The following ATP2B3 variants were observed in gnomAD, a reference collection of about 807,000 sequenced individuals.
The protein encoded by ATP2B3 is plasma membrane calcium-transporting ATPase 3.
A neutral mutation model predicts 70.8 loss-of-function variants in ATP2B3; 12 were observed. That is an observed-to-expected ratio of 0.17 (90% CI 0.11 to 0.27). ATP2B3 has a LOEUF of 0.27. Ranked by LOEUF, ATP2B3 falls within the 10% of genes least tolerant of loss-of-function variation. The pLI is 1.00. For synonymous variants in ATP2B3, 460 were observed against 497.8 expected (o/e 0.92, Z 1.01); for missense variants, 858 against 1,118.5 (o/e 0.77, Z 3.32).
intron 21 of ATP2B3, among the ~76,000 whole-genome samples, chrX:153,575,994 G>T (rs1216689767): frequency 2.7e-5 from 3 of 112,019 alleles, no homozygotes; most frequent in Non-Finnish European, 3.8e-5. Flanking sequence ...GAGATGGGGA[G>T]TCCTCCAGCC....
chrX:153,548,121 G>A, intron 9 of ATP2B3, 122 bp downstream of exon 9: 2 of 975,645 alleles, frequency 2.0e-6, no homozygotes, highest in South Asian at 2.8e-5. Flanking sequence ...TGATGTGTGG[G>A]CCAGGCAGGC....
intron 20 of ATP2B3, among the ~76,000 whole-genome samples, chrX:153,564,372 T>G (rs2090671223): frequency 1.8e-5 from 2 of 113,023 alleles, no homozygotes; most frequent in Non-Finnish European, 3.8e-5. Flanking sequence ...GTCACGTGGC[T>G]GGCCTCCATC....
In ATP2B3 at chrX:153,558,261, G is replaced by A. The variant is rs1557014766; in HGVS notation, c.2583G>A (p.Val861=). The A allele has an allele frequency of 2.5e-6, 3 of 1,211,877 alleles. No homozygotes were observed. The Admixed American group carries it at 6.5e-5, about 26-fold the overall frequency. The change falls in exon 17 of 22, where the codon GTG becomes GTA. Residue 861 remains valine (V), a synonymous_variant. Transcript: ENST00000263519. The part of the protein sequence containing the change: ...KFLQFQLTVN[V]VAVIVAFTGA... ...TGCAGTTTCAACTGACGGTCAATGT[G>A]GTGGCTGTGATCGTGGCCTTCACAG...
intron 3 of ATP2B3, among the ~76,000 whole-genome samples, chrX:153,537,173 G>T (rs1317580922): frequency 5.3e-5 from 6 of 113,470 alleles, no homozygotes; most frequent in Non-Finnish European, 5.6e-5. Flanking sequence ...ACCCGGCCTT[G>T]TGAGGCCTGC....
chrX:153,541,345 G>A lies in ATP2B3; in HGVS notation c.209-14G>A, dbSNP rs951332225. 2 of 1,211,603 alleles carry A rather than the reference G, an allele frequency of 1.7e-6. No homozygotes were observed. Among genetic ancestry groups the A allele is most frequent in the Non-Finnish European group, 2.2e-6 (2 of 895,369 alleles). ...TCCCATCCTCCCCTTCTGTGCTTCC[G>A]GGGCACCATGCAGGCCTGGCGGACA... On this transcript the variant is annotated splice_polypyrimidine_tract_variant and intron_variant, in intron 3 of 21. Transcript: ENST00000263519.
rs1419783906 is a variant in ATP2B3 at position 153,580,126 on chromosome X, T to A, written c.3491T>A (p.Val1164Glu). Residue 1164 changes from valine to glutamate, a missense_variant, in exon 22 of 22, where the codon GTG (valine) becomes GAG (glutamate). Physicochemically the swap from Val to Glu is moderately radical, Grantham distance 121. Around this residue, in one of 5 missense-constraint regions of ATP2B3, gnomAD observed 265 missense variants for 305.3 expected, o/e 0.87. Coordinates refer to ENST00000263519, the MANE Select transcript of ATP2B3 (RefSeq NM_001001344.3). ...HNIPLIDDTDVDENEERLRAP... is the reference protein window; with the variant it reads ...HNIPLIDDTDEDENEERLRAP... ...ATCCCGCTCATTGACGACACGGACG[T>A]GGACGAGAACGAGGAGCGCCTCCGG... 8.3e-7 allele frequency: 1 copy of A among 1,210,709 alleles called. No homozygotes were observed.
chrX:153,550,143 C>T lies in ATP2B3; in HGVS notation c.1680C>T (p.Pro560=), dbSNP rs377530133. The T allele has an allele frequency of 3.9e-5, 47 of 1,211,421 alleles. No homozygotes were observed. In the Middle Eastern group the frequency reaches 1.6e-3, roughly 41 times the overall value. ...TGGACCTGAAGCGGGACTTCCAGCCCGTGCGCGAGCAGATCCCGGAAGACA... is the reference window on the plus strand; with the variant it reads ...TGGACCTGAAGCGGGACTTCCAGCCTGTGCGCGAGCAGATCCCGGAAGACA... ...FVLDLKRDFQ[P]VREQIPEDKL... Residue 560 remains proline (P), a synonymous_variant, in exon 12 of 22, where the codon CCC becomes CCT. Coordinates refer to ENST00000263519, the MANE Select transcript of ATP2B3 (RefSeq NM_001001344.3).
At chrX:153,534,769 C>T (rs1223263473) in intron 2 of ATP2B3, among the ~76,000 whole-genome samples, 1 of 113,166 alleles carries the variant, frequency 8.8e-6, no homozygotes, top group Non-Finnish European at 1.9e-5. Context: ...CAATGTGTCG[C>T]GAGAGTAAAC....
rs3020946 is a variant in ATP2B3 at position 153,537,274 on chromosome X, G to A, written c.208+819G>A. 6.3e-4 allele frequency among the ~76,000 whole-genome samples: 71 copies of A among 113,468 alleles called. 1 individual carries two copies. In the East Asian group the frequency reaches 0.01, roughly 16 times the overall value. On this transcript the variant is annotated intron_variant, in intron 3 of 21. Transcript: ENST00000263519. The stretch of plus-strand genomic sequence containing the variant: ...TCCAGGAGCCACAGCATTCTCTGGC[G>A]CTGCGTGCCTGGCAGGGCTGCTGGG...
intron 21 of ATP2B3, among the ~76,000 whole-genome samples, chrX:153,572,942 A>G (rs1557020338): frequency 8.9e-6 from 1 of 112,480 alleles, no homozygotes; most frequent in Non-Finnish European, 1.9e-5. Context: ...AAGCCACTTG[A>G]GAGGCCTTTT....
intron 2 of ATP2B3, among the ~76,000 whole-genome samples, chrX:153,526,366 G>A (rs1012068863): frequency 2.7e-5 from 3 of 111,206 alleles, no homozygotes; most frequent in Admixed American, 1.9e-4. Context: ...GGAGAGACTC[G>A]GAGCCCTGTG....
In ATP2B3 at chrX:153,546,141, C is replaced by T. The variant is rs782109859; in HGVS notation, c.958+12C>T. 8.3e-6 allele frequency: 10 copies of T among 1,208,453 alleles called. No homozygotes were observed. The East Asian group carries it at 8.9e-5, about 11-fold the overall frequency. ...TAGCCAGACCAAAGGTAACGGGCGCCGCTGCTTGGGCACAACAAGCTTGGA... is the reference window on the plus strand; with the variant it reads ...TAGCCAGACCAAAGGTAACGGGCGCTGCTGCTTGGGCACAACAAGCTTGGA... On this transcript the variant is annotated intron_variant, in intron 8 of 21. Transcript: ENST00000263519.
intron 12 of ATP2B3, 57 bp downstream of exon 12, chrX:153,550,343 G>C (rs73245897): frequency 4.4e-5 from 53 of 1,196,069 alleles, no homozygotes; most frequent in Non-Finnish European, 5.9e-5. Context: ...TTCTATTGTC[G>C]TGGTAAAAGA....
intron 21 of ATP2B3, among the ~76,000 whole-genome samples, chrX:153,576,502 G>A (rs1425591039): frequency 3.6e-5 from 4 of 111,824 alleles, no homozygotes; most frequent in South Asian, 7.5e-4. Context: ...AGTCCTCCTC[G>A]GGCCTCCTGC....
chrX:153,580,631 C>T lies in ATP2B3; in HGVS notation c.*333C>T. On this transcript the variant is annotated 3_prime_UTR_variant, in exon 22 of 22. Coordinates refer to ENST00000263519, the MANE Select transcript of ATP2B3 (RefSeq NM_001001344.3). ...AAAGTGCGAAGAGCTGAGTTCCCCA[C>T]CTTTTTTTCTATTGATGCTTCTTTT... The T allele has an allele frequency of 4.2e-6, 1 of 240,456 alleles. No homozygotes were observed. Among genetic ancestry groups the T allele is most frequent in the Admixed American group, 6.1e-5 (1 of 16,458 alleles). The allele number at this position is 240,456 out of a possible 1,213,427, so 19.8% of individuals were successfully genotyped here.
intron 7 of ATP2B3, among the ~76,000 whole-genome samples, chrX:153,544,920 G>C (rs1557008133): frequency 8.9e-6 from 1 of 112,581 alleles, no homozygotes; most frequent in Non-Finnish European, 1.9e-5. Context: ...TGCTTCCTTC[G>C]GGCCCCCACG....
intron 2 of ATP2B3, among the ~76,000 whole-genome samples, chrX:153,523,539 T>C (rs2089987491): frequency 8.9e-6 from 1 of 111,841 alleles, no homozygotes; most frequent in African/African-American, 3.3e-5. Context: ...CTTGCCAGCA[T>C]TAGATATTTT....
chrX:153,552,581 C>T (rs1231013800), intron 12 of ATP2B3, among the ~76,000 whole-genome samples: 1 of 112,321 alleles, frequency 8.9e-6, no homozygotes, highest in African/African-American at 3.2e-5. Context: ...GCCCAGGTTC[C>T]ACCCGCTTGC....
chrX:153,556,768 CG>C (rs2090543826), intron 15 of ATP2B3, 148 bp from the exon 16 acceptor site: 2 of 554,303 alleles, frequency 3.6e-6, no homozygotes, highest in Non-Finnish European at 6.1e-6. Flanking sequence ...ATCCAGGTGA[CG>C]GGGAGCACAG....
Sources: gnomAD v4.1 joint callset for allele counts (sites outside exome capture counted in the v4.1 genomes callset) on GRCh38, gnomAD v4.1.1 for gene constraint, gnomAD v4.1.1 regional missense constraint, MANE v1.5 for transcripts, NCBI Gene and HGNC (gene_info 2026-07-23, HGNC 2026-07-21) for gene names.